LAMA1: variants seen among roughly 807,000 people sequenced by gnomAD.
LAMA1 encodes laminin subunit alpha 1, also known as laminin subunit alpha-1.
LAMA1 carries 219 observed loss-of-function variants against 348.7 expected under a neutral mutation model. The ratio of observed to expected loss-of-function variants is 0.63; its 90% confidence interval spans 0.56 to 0.70. The LOEUF is 0.70. Among genes scored for constraint, LAMA1 ranks in the 30% least tolerant of loss-of-function variants. The pLI is 0.00. For synonymous variants in LAMA1, 1,487 were observed against 1,491.0 expected, an observed-to-expected ratio of 1.00 and a Z score of 0.06; for missense variants, 3,744 against 3,888.0, an observed-to-expected ratio of 0.96 and a Z score of 0.99.
intron 51 of LAMA1, chr18:6,963,863 C>G (rs920910528): frequency 8.5e-5 from 13 of 152,150 alleles, no homozygotes; most frequent in African/African-American, 3.1e-4. Context: ...AATCACAAAG[C>G]TCAACATGAA....
At chr18:7,038,690 G>T in intron 11 of LAMA1, 120 bp downstream of exon 11, 1 of 1,342,382 alleles carries the variant, frequency 7.4e-7, no homozygotes, top group Non-Finnish European at 1.1e-6. Flanking sequence ...CAGTATCATT[G>T]CATAGCGATG....
At chr18:7,065,856 C>A (rs1366315254) in intron 3 of LAMA1, among the ~76,000 whole-genome samples, 1 of 152,198 alleles carries the variant, frequency 6.6e-6, no homozygotes, top group Admixed American at 6.5e-5. Context: ...TTAAATTTGA[C>A]CTCACAGTTT....
intron 51 of LAMA1, among the ~76,000 whole-genome samples, chr18:6,964,361 G>A (rs1196624059): frequency 6.6e-6 from 1 of 152,176 alleles, no homozygotes; most frequent in Non-Finnish European, 1.5e-5. Context: ...GGTCATTAGG[G>A]GAAGTCCTTA....
chr18:6,987,983 G>A (rs1337092332), intron 36 of LAMA1, among the ~76,000 whole-genome samples: 1 of 152,144 alleles, frequency 6.6e-6, no homozygotes. Context: ...GCATGGTGGT[G>A]CGTGCCTGTA....
rs115609096 is a variant in LAMA1 at position 7,014,022 on chromosome 18, A to G, written c.3156T>C (p.Thr1052=). ...CGGTGACCACATCGCACCGATGATGAGTCGACCCCACGAGACTGCAATTGC... is the reference window on the plus strand; with the variant it reads ...CGGTGACCACATCGCACCGATGATGGGTCGACCCCACGAGACTGCAATTGC... ...QACNCSLVGS[T]HHRCDVVTGH... The change falls in exon 23 of 63, where the codon ACT becomes ACC. Residue 1052 remains threonine, a synonymous_variant. Transcript: ENST00000389658. The G allele has an allele frequency of 1.5e-3, 2,459 of 1,614,016 alleles. 30 individuals carry two copies. The African/African-American group carries it at 0.03, about 20-fold the overall frequency.
chr18:6,941,856 TA>T lies in LAMA1; in HGVS notation c.*222del. 5.4e-6 allele frequency: 3 copies of T among 553,778 alleles called. No homozygotes were observed. The South Asian group carries it at 6.2e-5, about 11-fold the overall frequency. The allele number at this position is 553,778 out of a possible 1,614,324, so 34.3% of individuals were successfully genotyped here. ...ATGTGTATAAAGATTTTTTTAAAAA[TA>T]CGTTTAAAAAGAGAGCCAGGGAATT... On this transcript the variant is annotated 3_prime_UTR_variant, in exon 63 of 63. Transcript: ENST00000389658.
rs1568002691 is a variant in LAMA1 at position 6,948,570 on chromosome 18, C to T, written c.8557-14G>A. 3 of 1,614,174 alleles carry T rather than the reference C, an allele frequency of 1.9e-6. No homozygotes were observed. The highest frequency in any genetic ancestry group is 3.3e-5 in the Admixed American group (2 of 60,018). On this transcript the variant is annotated splice_polypyrimidine_tract_variant and intron_variant, in intron 59 of 62. Transcript: ENST00000389658. Reference sequence around the variant, plus strand: ...GCTGTGGGTGATCTAAGCCAAATGACATGCAAGAGTAGACAGTGGTGATTC... The same window carrying T: ...GCTGTGGGTGATCTAAGCCAAATGATATGCAAGAGTAGACAGTGGTGATTC...
At chr18:6,961,844 T>G in intron 52 of LAMA1, 85 bp from the exon 53 acceptor site, 2 of 1,564,072 alleles carry the variant, frequency 1.3e-6, no homozygotes, top group Non-Finnish European at 1.8e-6. Context: ...GATTTCCCCA[T>G]CATCTCTTTT....
intron 23 of LAMA1, among the ~76,000 whole-genome samples, chr18:7,012,863 A>G (rs1258291410): frequency 8.6e-5 from 13 of 150,968 alleles, no homozygotes; most frequent in Non-Finnish European, 2.9e-5. Flanking sequence ...AGCTGTTATC[A>G]TAAGATGTGG....
At chr18:7,105,850 GT>G (rs1868566594) in intron 1 of LAMA1, among the ~76,000 whole-genome samples, 1 of 152,216 alleles carries the variant, frequency 6.6e-6, no homozygotes, top group Non-Finnish European at 1.5e-5. Flanking sequence ...TCAAAGAAGG[GT>G]CTTGGCGAAT....
chr18:7,011,350 G>C lies in LAMA1; in HGVS notation c.3637C>G (p.Arg1213Gly), dbSNP rs749718703. 3.7e-6 allele frequency: 6 copies of C among 1,612,576 alleles called. No homozygotes were observed. The highest frequency in any genetic ancestry group is 5.1e-6 in the Non-Finnish European group (6 of 1,179,600). ...AGCCGCCAGTAAAACGGCTCTGCAC[G>C]GATGTGCTGCCGGACGGTGGCGGCA... ...LDAATVRQHI[R>G]AEPFYWRLPQ... The change falls in exon 25 of 63, where the codon CGT becomes GGT. Residue 1213 changes from arginine (R) to glycine (G), a missense_variant. Physicochemically the swap from Arg to Gly is moderately radical, Grantham distance 125. Coordinates refer to ENST00000389658, the MANE Select transcript of LAMA1 (RefSeq NM_005559.4).
At chr18:7,098,981 T>C (rs571518795) in intron 1 of LAMA1, among the ~76,000 whole-genome samples, 225 of 152,214 alleles carry the variant, frequency 1.5e-3, no homozygotes, top group African/African-American at 5.2e-3. Flanking sequence ...CAACAGCTCA[T>C]TGAGAACAGG....
chr18:7,089,044 C>T (rs1347585888), intron 1 of LAMA1, among the ~76,000 whole-genome samples: 1 of 151,790 alleles, frequency 6.6e-6, no homozygotes, highest in Non-Finnish European at 1.5e-5. Context: ...AATAGGTCCA[C>T]AAGCTCTGCC....
At chr18:7,071,069 A>C (rs988645739) in intron 3 of LAMA1, among the ~76,000 whole-genome samples, 4 of 152,178 alleles carry the variant, frequency 2.6e-5, no homozygotes, top group Non-Finnish European at 5.9e-5. Context: ...TCCCAACATC[A>C]AGAGGGAATT....
At position 6,965,412 on chromosome 18, in the gene LAMA1, C is replaced by T. The variant is rs2057628683; in HGVS notation, c.7071G>A (p.Glu2357=). The change falls in exon 50 of 63, where the codon GAG becomes GAA. Residue 2357 remains glutamate (E), a synonymous_variant. Transcript: ENST00000389658. ...TAACCTTCACTCTGCCACGAAACAG[C>T]TCGATGGATAAAAAGTCTTTCTGTA... The part of the protein sequence containing the change: ...SYGTKDFLSI[E]LFRGRVKVMT... 1.2e-6 allele frequency: 2 copies of T among 1,614,144 alleles called. No individual in the cohort carries two copies. Among genetic ancestry groups the T allele is most frequent in the Non-Finnish European group, 1.7e-6 (2 of 1,180,022 alleles).
rs781427410 is a variant in LAMA1 at position 6,950,817 on chromosome 18, G to A, written c.8362C>T (p.His2788Tyr). 6.2e-7 allele frequency: 1 copy of A among 1,614,158 alleles called. No individual in the cohort carries two copies. Among genetic ancestry groups the A allele is most frequent in the South Asian group, 1.1e-5 (1 of 91,072 alleles). ...TTGCCATCACTGAGCAGTGCAGGGT[G>A]AGAGACCTTTGTTCTGCCTTTGCCA... is the stretch of plus-strand genomic sequence containing the variant. ...DLGKGRTKVS[H>Y]PALLSDGKWH... Residue 2788 changes from histidine to tyrosine, a missense_variant, in exon 58 of 63, where the codon CAC becomes TAC. By Grantham distance (83) the His-to-Tyr change is moderately conservative. Coordinates refer to ENST00000389658, the MANE Select transcript of LAMA1 (RefSeq NM_005559.4).
chr18:7,064,133 G>A (rs530460906), intron 3 of LAMA1, among the ~76,000 whole-genome samples: 63 of 152,098 alleles, frequency 4.1e-4, no homozygotes, highest in African/African-American at 1.4e-3. Context: ...CTGACAGCAG[G>A]ATTGGATGTT....
At chr18:6,986,059 G>C (rs2057733669) in intron 37 of LAMA1, 78 bp downstream of exon 37, 1 of 1,525,794 alleles carries the variant, frequency 6.6e-7, no homozygotes, top group Non-Finnish European at 9.1e-7. Flanking sequence ...AGCCAGGCCA[G>C]GGCTCACTTT....
At chr18:6,967,931 C>T (rs766335533) in intron 48 of LAMA1, among the ~76,000 whole-genome samples, 10 of 151,968 alleles carry the variant, frequency 6.6e-5, no homozygotes, top group South Asian at 2.1e-4. Flanking sequence ...GAGGTGGCCA[C>T]GAAGAGGGGG....
Sources: allele counts gnomAD v4.1 joint callset (sites outside exome capture counted in the v4.1 genomes callset), GRCh38; gene constraint gnomAD v4.1.1; transcripts MANE v1.5; gene names NCBI Gene and HGNC (gene_info 2026-07-23, HGNC 2026-07-21).